Variants in FCRL2 observed in about 807,000 individuals in gnomAD.
FCRL2 encodes Fc receptor-like protein 2.
Under a neutral mutation model 59.8 loss-of-function variants are expected in FCRL2, and 48 were observed. That is an observed-to-expected ratio of 0.80 (90% CI 0.64 to 1.02). The LOEUF (loss-of-function observed/expected upper bound fraction) is 1.02, where lower values mean the gene tolerates loss of function less well. FCRL2 is among the 50% of genes least tolerant of loss of function. The pLI is 0.00. For missense variants in FCRL2, 658 were observed against 597.3 expected (o/e 1.10, Z -1.06); for synonymous variants, 251 against 229.5 (o/e 1.09, Z -0.85).
chr1:157,767,130 A>C, intron 6 of FCRL2, 101 bp downstream of exon 6: 1 of 1,433,882 alleles, frequency 7.0e-7, no homozygotes, highest in Non-Finnish European at 9.5e-7. Flanking sequence ...GCCACTGGAC[A>C]CTGAGATCAC....
intron 7 of FCRL2, among the ~76,000 whole-genome samples, chr1:157,753,812 G>A (rs968655811): frequency 1.3e-5 from 2 of 152,124 alleles, no homozygotes; most frequent in African/African-American, 2.4e-5. Context: ...CCCCTCTGTT[G>A]AGAGTCATCT....
chr1:157,776,159 C>T (rs1048332314), intron 1 of FCRL2, among the ~76,000 whole-genome samples: 3 of 152,186 alleles, frequency 2.0e-5, no homozygotes, highest in Admixed American at 2.0e-4. Context: ...AAGGGCTCAT[C>T]AGGAAACATA....
Position 157,767,110 on chromosome 1 carries a change from G to A in FCRL2, c.1162+121C>T, listed in dbSNP as rs190234620. ...TCTGTACTCTTCAGGTTAGTGTGGG[G>A]AGAAGAGAAGCCACTGGACACTGAG... is the stretch of plus-strand genomic sequence containing the variant. On this transcript the variant is annotated intron_variant, in intron 6 of 11. Coordinates refer to ENST00000361516, the MANE Select transcript of FCRL2 (RefSeq NM_030764.4). 5 of 1,360,346 alleles carry A rather than the reference G, an allele frequency of 3.7e-6. No individual in the cohort carries two copies. The Admixed American group carries it at 8.8e-5, about 24-fold the overall frequency. The allele number at this position is 1,360,346 out of a possible 1,614,324, so 84.3% of individuals were successfully genotyped here. A position where few individuals can be genotyped will look rare whatever the true frequency, so the allele number is the denominator to read the frequency against.
intron 7 of FCRL2, among the ~76,000 whole-genome samples, chr1:157,764,029 CA>C (rs34230382): frequency 0.27 from 27,497 of 102,946 alleles, 2,867 homozygotes; most frequent in South Asian, 0.39. Flanking sequence ...GACTTCATCT[CA>C]AAAAAAAAAA....
intron 2 of FCRL2, among the ~76,000 whole-genome samples, chr1:157,772,958 C>T (rs1297133695): frequency 6.6e-6 from 1 of 152,112 alleles, no homozygotes; most frequent in African/African-American, 2.4e-5. Flanking sequence ...CAAGCCAAAT[C>T]ACTTCAGATG....
At chr1:157,774,752 G>T (rs1571302122) in intron 2 of FCRL2, among the ~76,000 whole-genome samples, 2 of 152,156 alleles carry the variant, frequency 1.3e-5, no homozygotes. Flanking sequence ...GACCAGACTT[G>T]CTCCTGAGCA....
At chr1:157,763,843 A>T (rs1457794468) in intron 7 of FCRL2, among the ~76,000 whole-genome samples, 1 of 152,126 alleles carries the variant, frequency 6.6e-6, no homozygotes, top group African/African-American at 2.4e-5. Flanking sequence ...ATCCTGGCCA[A>T]CATGGTGAAA....
chr1:157,749,100 A>T, intron 8 of FCRL2, 140 bp from the exon 9 acceptor site: 1 of 627,440 alleles, frequency 1.6e-6, no homozygotes, highest in South Asian at 2.5e-5. Context: ...CTTTGTGTAG[A>T]CTATCTACTT....
In FCRL2 at chr1:157,770,642, G is replaced by C; in HGVS notation, c.77C>G (p.Ser26Cys). ...QADSLTLVAP[S>C]SVFEGDSIVL... ...GATGCTGTCTCCTTCGAAGACAGAAGAGGGCGCCACAAGGGTCAGCGAATC... is the reference window on the plus strand; with the variant it reads ...GATGCTGTCTCCTTCGAAGACAGAACAGGGCGCCACAAGGGTCAGCGAATC... The change falls in exon 3 of 12, where the codon TCT (serine) becomes TGT (cysteine). Residue 26 changes from serine (S) to cysteine (C), a missense_variant. Ser to Cys is a moderately radical substitution (Grantham distance 112, BLOSUM62 -1). Transcript: ENST00000361516. 1 of 1,614,190 alleles carries C rather than the reference G, an allele frequency of 6.2e-7. No homozygotes were observed. The highest frequency in any genetic ancestry group is 8.5e-7 in the Non-Finnish European group (1 of 1,180,028).
intron 7 of FCRL2, among the ~76,000 whole-genome samples, chr1:157,764,242 A>C (rs561855477): frequency 2.4e-4 from 36 of 152,052 alleles, no homozygotes; most frequent in South Asian, 1.5e-3. Flanking sequence ...TGAAAAAAAA[A>C]CACAAAAATA....
At position 157,748,736 on chromosome 1, in the gene FCRL2, T is replaced by C. The variant is rs1647954260; in HGVS notation, c.1394-118A>G. On this transcript the variant is annotated intron_variant, in intron 9 of 11. Coordinates refer to ENST00000361516, the MANE Select transcript of FCRL2 (RefSeq NM_030764.4). ...CTTCCTCTCAACCCCAACATGATTC[T>C]GAGAGAGTCTGTTATTTATTGGGAA... The C allele has an allele frequency of 3.4e-6, 4 of 1,181,260 alleles. No homozygotes were observed. The South Asian group carries it at 3.8e-5, about 11-fold the overall frequency. The allele number at this position is 1,181,260 out of a possible 1,614,324, so 73.2% of individuals were successfully genotyped here.
At chr1:157,762,084 A>G (rs1456097635) in intron 7 of FCRL2, among the ~76,000 whole-genome samples, 1 of 152,192 alleles carries the variant, frequency 6.6e-6, no homozygotes, top group Non-Finnish European at 1.5e-5. Context: ...TCCCCTGACC[A>G]TGCCAGAGCA....
chr1:157,770,743 C>G, intron 2 of FCRL2, 77 bp from the exon 3 acceptor site: 1 of 1,505,534 alleles, frequency 6.6e-7, no homozygotes, highest in Non-Finnish European at 9.1e-7. Flanking sequence ...GTGAGGTGGT[C>G]TCAGGCATAG....
At chr1:157,756,306 T>C (rs1379070546) in intron 7 of FCRL2, among the ~76,000 whole-genome samples, 1 of 152,214 alleles carries the variant, frequency 6.6e-6, no homozygotes, top group Non-Finnish European at 1.5e-5. Flanking sequence ...CATCTTTTGA[T>C]AAATTGAGGT....
intron 7 of FCRL2, among the ~76,000 whole-genome samples, chr1:157,754,544 T>TA (rs1199208194): frequency 6.6e-6 from 1 of 152,138 alleles, no homozygotes; most frequent in African/African-American, 2.4e-5. Context: ...CACTGTACGG[T>TA]ATGGACTCGT....
At chr1:157,748,656 C>T (rs367710929) in intron 9 of FCRL2, 38 bp from the exon 10 acceptor site, 106 of 1,576,332 alleles carry the variant, frequency 6.7e-5, no homozygotes, top group Admixed American at 1.2e-4. Flanking sequence ...ATGTTGGTGG[C>T]CCAGGGTTCA....
intron 1 of FCRL2, among the ~76,000 whole-genome samples, 179 bp from the exon 2 acceptor site, chr1:157,775,974 C>G (rs1650379396): frequency 6.6e-6 from 1 of 152,194 alleles, no homozygotes. Context: ...AACTGTCATT[C>G]ATTGTAGTCA....
At position 157,749,304 on chromosome 1, in the gene FCRL2, C is replaced by T. The variant is rs1308463277; in HGVS notation, c.1308-344G>A. ...ACTACATACCTATAGCACAGTATGT[C>T]CCTGGAGGAAATACACATTTTGTGT... On this transcript the variant is annotated intron_variant, in intron 8 of 11. Transcript: ENST00000361516. Among the ~76,000 whole-genome samples the T allele has an allele frequency of 2.0e-5, 3 of 152,108 alleles. No individual in the cohort carries two copies. In the East Asian group the frequency reaches 5.8e-4, roughly 29 times the overall value.
Position 157,770,673 on chromosome 1 carries a change from G to C in FCRL2, c.53-7C>G, listed in dbSNP as rs764844697. On this transcript the variant is annotated splice_region_variant and splice_polypyrimidine_tract_variant and intron_variant, in intron 2 of 11. Coordinates refer to ENST00000361516, the MANE Select transcript of FCRL2 (RefSeq NM_030764.4). ...GCCACAAGGGTCAGCGAATCTGGAAGAGAAGGAGGGAAACCGGATTTGCCA... is the reference window on the plus strand; with the variant it reads ...GCCACAAGGGTCAGCGAATCTGGAACAGAAGGAGGGAAACCGGATTTGCCA... 1.9e-6 allele frequency: 3 copies of C among 1,613,650 alleles called. No individual in the cohort carries two copies. Among genetic ancestry groups the C allele is most frequent in the South Asian group, 1.1e-5 (1 of 90,950 alleles).
Sources: gnomAD v4.1 joint callset for allele counts (sites outside exome capture counted in the v4.1 genomes callset) on GRCh38, gnomAD v4.1.1 for gene constraint, MANE v1.5 for transcripts, NCBI Gene and HGNC (gene_info 2026-07-23, HGNC 2026-07-21) for gene names.